Variants in ERC2 observed in about 807,000 individuals in gnomAD.
ERC2 encodes ELKS/RAB6-interacting/CAST family member 2.
A neutral mutation model predicts 114.8 loss-of-function variants in ERC2; 42 were observed. That is an observed-to-expected ratio of 0.37 (90% CI 0.29 to 0.47). The LOEUF is 0.47. ERC2 is among the 20% of genes least tolerant of loss of function. The pLI, the probability that ERC2 is intolerant of heterozygous loss-of-function variation, is 0.99. For synonymous variants in ERC2, 454 were observed against 425.5 expected, an observed-to-expected ratio of 1.07 and a Z score of -0.82; for missense variants, 939 against 1,150.7, an observed-to-expected ratio of 0.82 and a Z score of 2.66.
At chr3:56,344,314 C>T (rs2058220634) in intron 2 of ERC2, among the ~76,000 whole-genome samples, 1 of 152,168 alleles carries the variant, frequency 6.6e-6, no homozygotes, top group African/African-American at 2.4e-5. Flanking sequence ...TGGCAAACAC[C>T]TTCCCTCCTC....
At chr3:56,265,925 C>T (rs1448144975) in intron 3 of ERC2, among the ~76,000 whole-genome samples, 1 of 150,830 alleles carries the variant, frequency 6.6e-6, no homozygotes, top group Non-Finnish European at 1.5e-5. Flanking sequence ...GCTACTCAGG[C>T]GGCTGAGGCA....
chr3:56,137,044 A>G (rs1398819207), intron 6 of ERC2, among the ~76,000 whole-genome samples: 1 of 152,202 alleles, frequency 6.6e-6, no homozygotes, highest in African/African-American at 2.4e-5. Context: ...TGAAATATGT[A>G]TAGGTCTAAT....
intron 13 of ERC2, among the ~76,000 whole-genome samples, chr3:55,896,186 A>T (rs1259519458): frequency 6.6e-6 from 1 of 152,208 alleles, no homozygotes; most frequent in Non-Finnish European, 1.5e-5. Context: ...CACTAGCCAC[A>T]GGTCTGTCTT....
At chr3:55,645,030 G>A (rs924993169) in intron 17 of ERC2, among the ~76,000 whole-genome samples, 1 of 152,074 alleles carries the variant, frequency 6.6e-6, no homozygotes, top group Non-Finnish European at 1.5e-5. Flanking sequence ...TCTCCTTACC[G>A]GAGAAAAACT....
intron 7 of ERC2, among the ~76,000 whole-genome samples, chr3:56,028,717 T>A (rs185882234): frequency 8.7e-4 from 132 of 152,212 alleles, no homozygotes; most frequent in African/African-American, 3.1e-3. Context: ...TTGTTTTGTT[T>A]CATTTTTTGT....
chr3:55,973,980 C>G (rs946229071), intron 12 of ERC2, among the ~76,000 whole-genome samples: 5 of 152,086 alleles, frequency 3.3e-5, no homozygotes, highest in Non-Finnish European at 7.3e-5. Context: ...AGTAAGATGT[C>G]TATCAGAGAT....
At position 56,279,630 on chromosome 3, in the gene ERC2, C is replaced by T. The variant is rs529333918; in HGVS notation, c.1074+16389G>A. Among the ~76,000 whole-genome samples the T allele has an allele frequency of 2.3e-3, 349 of 152,278 alleles. 1 individual carries two copies. Among genetic ancestry groups the T allele is most frequent in the African/African-American group, 8.1e-3 (338 of 41,562 alleles). On this transcript the variant is annotated intron_variant, in intron 3 of 17. Transcript: ENST00000288221. Reference sequence around the variant, plus strand: ...TAAGGTGGAAAAATGTAGGCAGGGGCCTTGTAAGCCAGGCTCAAGACTTTG... The same window carrying T: ...TAAGGTGGAAAAATGTAGGCAGGGGTCTTGTAAGCCAGGCTCAAGACTTTG...
intron 2 of ERC2, among the ~76,000 whole-genome samples, chr3:56,304,255 A>T (rs1012107245): frequency 6.6e-6 from 1 of 152,196 alleles, no homozygotes; most frequent in African/African-American, 2.4e-5. Flanking sequence ...TAATAAAACA[A>T]GCCTCTTCAG....
intron 14 of ERC2, among the ~76,000 whole-genome samples, chr3:55,778,930 G>C (rs1033559177): frequency 2.0e-5 from 3 of 152,054 alleles, no homozygotes; most frequent in Non-Finnish European, 4.4e-5. Flanking sequence ...AAAAAGGCAA[G>C]GGAATAGAAC....
intron 2 of ERC2, among the ~76,000 whole-genome samples, chr3:56,299,566 A>T (rs528631392): frequency 1.3e-4 from 19 of 151,800 alleles, no homozygotes; most frequent in African/African-American, 4.6e-4. Context: ...AGTAGCTGGG[A>T]CTATAGGTGT....
chr3:55,701,783 A>G (rs1281441408), intron 15 of ERC2, among the ~76,000 whole-genome samples: 2 of 152,184 alleles, frequency 1.3e-5, no homozygotes, highest in Non-Finnish European at 2.9e-5. Context: ...GCCATTGCAC[A>G]TGAGATTCTG....
At chr3:55,831,490 G>A (rs1032502113) in intron 14 of ERC2, among the ~76,000 whole-genome samples, 2 of 150,690 alleles carry the variant, frequency 1.3e-5, no homozygotes, top group Non-Finnish European at 2.9e-5. Flanking sequence ...TCTAAAATAA[G>A]TCTCAAAGGG....
intron 2 of ERC2, among the ~76,000 whole-genome samples, chr3:56,403,648 C>T (rs999576022): frequency 2.6e-5 from 4 of 152,168 alleles, no homozygotes; most frequent in Non-Finnish European, 4.4e-5. Context: ...AACGAGATCC[C>T]CAGGTAATTA....
chr3:55,931,014 C>T (rs530591973), intron 13 of ERC2, among the ~76,000 whole-genome samples: 5 of 152,342 alleles, frequency 3.3e-5, no homozygotes, highest in African/African-American at 1.2e-4. Context: ...CTTATCATCA[C>T]TGGTCATTAG....
intron 12 of ERC2, among the ~76,000 whole-genome samples, chr3:55,951,932 CAAGCAAACG>C (rs2067545776): frequency 6.6e-6 from 1 of 151,736 alleles, no homozygotes; most frequent in Non-Finnish European, 1.5e-5. Context: ...TCTCCCATTC[CAAGCAAACG>C]AAGCACAAGA....
At chr3:55,960,803 C>T (rs956296008) in intron 12 of ERC2, among the ~76,000 whole-genome samples, 3 of 152,214 alleles carry the variant, frequency 2.0e-5, no homozygotes, top group East Asian at 1.9e-4. Context: ...CTTCCTCCCT[C>T]GAAAAACATT....
chr3:56,022,296 C>T (rs1045480651), intron 7 of ERC2, among the ~76,000 whole-genome samples: 5 of 152,096 alleles, frequency 3.3e-5, no homozygotes, highest in East Asian at 1.9e-4. Flanking sequence ...GGCAATGGGA[C>T]GACTGATGAT....
At chr3:55,718,678 C>G (rs2064267706) in intron 15 of ERC2, among the ~76,000 whole-genome samples, 1 of 152,172 alleles carries the variant, frequency 6.6e-6, no homozygotes, top group Admixed American at 6.5e-5. Flanking sequence ...CTGCCTGCCC[C>G]TCACAGACTC....
At position 55,553,011 on chromosome 3, in the gene ERC2, ATTTTTTTTTTTTTT is replaced by A. The variant is rs66602607; in HGVS notation, c.*40-41749_*40-41736del. ...GTCGTTATTATTGTGGGGCTTCCAG[ATTTTTTTTTTTTTT>A]TTTTTTTTTTTTTTGAGATGGAGTC... is the stretch of plus-strand genomic sequence containing the variant. On this transcript the variant is annotated intron_variant, in intron 17 of 17. Transcript: ENST00000288221. Among the ~76,000 whole-genome samples the A allele has an allele frequency of 4.3e-4, 24 of 55,226 alleles. 1 individual carries two copies. The highest frequency in any genetic ancestry group is 1.5e-3 in the African/African-American group (23 of 14,990). The allele number at this position is 55,226 out of a possible 152,430, so 36.2% of individuals were successfully genotyped here.
Sources: gnomAD v4.1 joint callset for allele counts (sites outside exome capture counted in the v4.1 genomes callset) on GRCh38, gnomAD v4.1.1 for gene constraint, MANE v1.5 for transcripts, NCBI Gene and HGNC (gene_info 2026-07-23, HGNC 2026-07-21) for gene names.